HS3ST5: variants seen among roughly 807,000 people sequenced by gnomAD.
HS3ST5 encodes the protein heparan sulfate glucosamine 3-O-sulfotransferase 5.
HS3ST5 carries 10 observed loss-of-function variants against 25.4 expected under a neutral mutation model. The ratio of observed to expected loss-of-function variants is 0.39; its 90% CI spans 0.24 to 0.67. HS3ST5 has a LOEUF of 0.67. Ranked by LOEUF, HS3ST5 falls within the 30% of genes least tolerant of loss-of-function variation. The pLI, the probability that HS3ST5 is intolerant of heterozygous loss-of-function variation, is 0.44. For synonymous variants in HS3ST5, 170 were observed against 162.4 expected (o/e 1.05, Z -0.36); for missense variants, 324 against 420.7 (o/e 0.77, Z 2.01).
intron 2 of HS3ST5, among the ~76,000 whole-genome samples, chr6:114,223,597 G>A (rs1782140648): frequency 6.6e-6 from 1 of 151,750 alleles, no homozygotes; most frequent in Non-Finnish European, 1.5e-5. Flanking sequence ...GTTTAGAATA[G>A]CTGTTTAGGG....
Position 114,058,146 on chromosome 6 carries a change from C to T in HS3ST5, c.152G>A (p.Arg51His), listed in dbSNP as rs776534627. ...CPIEGRLGGA[R>H]TQAEFPLRAL... ...GCGAAGTGGGAATTCAGCCTGAGTGCGGGCTCCACCCAGTCGACCTTCAAT... is the reference window on the plus strand; with the variant it reads ...GCGAAGTGGGAATTCAGCCTGAGTGTGGGCTCCACCCAGTCGACCTTCAAT... The change falls in exon 5 of 5, where the codon CGC (arginine) becomes CAC (histidine). Residue 51 changes from arginine (R) to histidine (H), a missense_variant. Arg to His is a conservative substitution (Grantham distance 29). Transcript: ENST00000312719. The T allele has an allele frequency of 3.8e-5, 61 of 1,611,554 alleles. No individual in the cohort carries two copies. Among genetic ancestry groups the T allele is most frequent in the African/African-American group, 2.9e-4 (22 of 74,872 alleles).
chr6:114,305,418 T>C (rs1490792446), intron 1 of HS3ST5, among the ~76,000 whole-genome samples: 3 of 152,146 alleles, frequency 2.0e-5, no homozygotes, highest in Non-Finnish European at 2.9e-5. Flanking sequence ...GCATGTGAAA[T>C]ACCCAACTAT....
chr6:114,098,797 G>A (rs748826710), intron 3 of HS3ST5, among the ~76,000 whole-genome samples: 27 of 151,852 alleles, frequency 1.8e-4, no homozygotes, highest in Admixed American at 2.6e-4. Context: ...AGTGTAAAAA[G>A]TGATTAAATA....
intron 2 of HS3ST5, among the ~76,000 whole-genome samples, chr6:114,225,529 G>T (rs1453936029): frequency 6.6e-6 from 1 of 152,002 alleles, no homozygotes; most frequent in East Asian, 1.9e-4. Flanking sequence ...GCCGCTACTA[G>T]GAAGCTGAGT....
intron 3 of HS3ST5, chr6:114,084,462 C>A: frequency 2.6e-6 from 2 of 757,120 alleles, no homozygotes; most frequent in Non-Finnish European, 2.4e-6. Context: ...AGAGATCAGG[C>A]ATGACCTCCC....
rs185955802 is a variant in HS3ST5, at chr6:114,261,025, G to A, written c.-338-32247C>T. On this transcript the variant is annotated intron_variant, in intron 1 of 4. Transcript: ENST00000312719. Reference sequence around the variant, plus strand: ...TCAGTCTAATGATGATGGCTGTGACGATGACAATAGTGACAGCAGCTATCT... The same window carrying A: ...TCAGTCTAATGATGATGGCTGTGACAATGACAATAGTGACAGCAGCTATCT... Among the ~76,000 whole-genome samples, 48 of 152,270 alleles carry A rather than the reference G, an allele frequency of 3.2e-4. No homozygotes were observed. In the East Asian group the frequency reaches 7.9e-3, roughly 25 times the overall value.
At chr6:114,094,463 T>C (rs1775314987) in intron 3 of HS3ST5, among the ~76,000 whole-genome samples, 1 of 152,196 alleles carries the variant, frequency 6.6e-6, no homozygotes, top group Non-Finnish European at 1.5e-5. Flanking sequence ...GAAGAACAAA[T>C]TCCTGTTAGA....
At chr6:114,112,044 C>A (rs901204945) in intron 3 of HS3ST5, among the ~76,000 whole-genome samples, 6 of 152,122 alleles carry the variant, frequency 3.9e-5, no homozygotes, top group African/African-American at 1.4e-4. Context: ...GTATAATTAT[C>A]CCTCATAAAC....
chr6:114,257,743 CT>C (rs200967192), intron 1 of HS3ST5, among the ~76,000 whole-genome samples: 2 of 150,942 alleles, frequency 1.3e-5, no homozygotes, highest in Non-Finnish European at 3.0e-5. Flanking sequence ...TCTTGTTGTT[CT>C]TTTTTTTTAA....
At chr6:114,132,905 AATGTGTCTTACACAACATTTT>A (rs1202283511) in intron 3 of HS3ST5, among the ~76,000 whole-genome samples, 1 of 152,118 alleles carries the variant, frequency 6.6e-6, no homozygotes, top group Non-Finnish European at 1.5e-5. Flanking sequence ...GGCTAATGTT[AATGTGTCTTACACAACATTTT>A]CATTGTTCTG....
At chr6:114,141,795 G>T (rs1423519356) in intron 3 of HS3ST5, among the ~76,000 whole-genome samples, 1 of 152,068 alleles carries the variant, frequency 6.6e-6, no homozygotes, top group Non-Finnish European at 1.5e-5. Flanking sequence ...ATGGGCTTGG[G>T]ACTGCCAGTG....
chr6:114,093,339 T>C (rs976316393), intron 3 of HS3ST5, among the ~76,000 whole-genome samples: 2 of 133,102 alleles, frequency 1.5e-5, no homozygotes, highest in African/African-American at 5.7e-5. Context: ...CTTGTATCTT[T>C]TTTGTTTGTT....
chr6:114,256,530 C>T (rs1772933291), intron 1 of HS3ST5, among the ~76,000 whole-genome samples: 1 of 152,156 alleles, frequency 6.6e-6, no homozygotes, highest in Admixed American at 6.5e-5. Flanking sequence ...TTCCACACAT[C>T]TCTAGGGCAG....
intron 2 of HS3ST5, among the ~76,000 whole-genome samples, chr6:114,202,036 T>C (rs1165774785): frequency 6.6e-6 from 1 of 152,052 alleles, no homozygotes; most frequent in Non-Finnish European, 1.5e-5. Context: ...CAATTCAAGA[T>C]GAGATTTGGG....
chr6:114,083,100 G>A (rs940216522), intron 3 of HS3ST5, among the ~76,000 whole-genome samples: 4 of 152,286 alleles, frequency 2.6e-5, no homozygotes, highest in Non-Finnish European at 5.9e-5. Context: ...TTTATAACAA[G>A]TATAAAACTG....
chr6:114,297,712 A>C (rs1774888318), intron 1 of HS3ST5, among the ~76,000 whole-genome samples: 1 of 152,180 alleles, frequency 6.6e-6, no homozygotes, highest in Non-Finnish European at 1.5e-5. Context: ...GCTTTCCTTC[A>C]AGGAGCAACA....
At chr6:114,196,600 A>G (rs1314017351) in intron 2 of HS3ST5, among the ~76,000 whole-genome samples, 1 of 151,990 alleles carries the variant, frequency 6.6e-6, no homozygotes, top group African/African-American at 2.4e-5. Context: ...TTACTTGCCT[A>G]AAACTCAATT....
At chr6:114,209,516 C>T (rs1445208139) in intron 2 of HS3ST5, among the ~76,000 whole-genome samples, 2 of 151,978 alleles carry the variant, frequency 1.3e-5, no homozygotes, top group Admixed American at 6.6e-5. Flanking sequence ...TTCTCACCAA[C>T]TCATTAAGCA....
In HS3ST5 at chr6:114,058,121, G is replaced by T; in HGVS notation, c.177C>A (p.Arg59=). ...GCAGGCCACGCTTAAACTGCAGGGC[G>T]CGAAGTGGGAATTCAGCCTGAGTGC... ...GARTQAEFPL[R]ALQFKRGLLH... Residue 59 remains arginine, a synonymous_variant, in exon 5 of 5, where the codon CGC becomes CGA. Coordinates refer to ENST00000312719, the MANE Select transcript of HS3ST5 (RefSeq NM_153612.4). The T allele has an allele frequency of 1.9e-6, 3 of 1,613,856 alleles. No individual in the cohort carries two copies. The highest frequency in any genetic ancestry group is 2.5e-6 in the Non-Finnish European group (3 of 1,179,822).
Sources: allele counts gnomAD v4.1 joint callset (sites outside exome capture counted in the v4.1 genomes callset), GRCh38; gene constraint gnomAD v4.1.1; transcripts MANE v1.5; gene names NCBI Gene and HGNC (gene_info 2026-07-23, HGNC 2026-07-21).